The following CNTNAP2 variants were observed in gnomAD, a reference collection of about 807,000 sequenced individuals.
CNTNAP2 encodes contactin-associated protein-like 2.
A neutral mutation model predicts 155.2 loss-of-function variants in CNTNAP2; 98 were observed. That is an observed-to-expected ratio of 0.63 (90% CI 0.54 to 0.75). The LOEUF is 0.75. Among genes scored for constraint, CNTNAP2 ranks in the 30% least tolerant of loss-of-function variants. The probability of loss-of-function intolerance (pLI) is 0.00; values close to 1 mark genes in which losing one functional copy is unlikely to be tolerated. For missense variants in CNTNAP2, 1,727 were observed against 1,688.1 expected (o/e 1.02, Z -0.40); for synonymous variants, 651 against 631.2 (o/e 1.03, Z -0.47).
rs148760809 is a variant in CNTNAP2 at position 147,781,415 on chromosome 7, T to C, written c.2099-122150T>C. On this transcript the variant is annotated intron_variant, in intron 13 of 23. Transcript: ENST00000361727. The stretch of plus-strand genomic sequence containing the variant: ...ACCCTTGAGAAAAAGAGATTGGACT[T>C]GCAGCTTTTACAGTGGCAGTGGACA... Among the ~76,000 whole-genome samples, 499 of 152,304 alleles carry C rather than the reference T, an allele frequency of 3.3e-3. 2 individuals carry two copies. The highest frequency in any genetic ancestry group is 6.4e-3 in the Admixed American group (98 of 15,304).
At chr7:147,379,809 C>T (rs1201040898) in intron 9 of CNTNAP2, among the ~76,000 whole-genome samples, 1 of 151,922 alleles carries the variant, frequency 6.6e-6, no homozygotes, top group Admixed American at 6.6e-5. Flanking sequence ...TACTTGATTT[C>T]TAATTCTGTT....
intron 4 of CNTNAP2, among the ~76,000 whole-genome samples, chr7:147,083,763 T>C (rs1163514823): frequency 7.0e-6 from 1 of 142,026 alleles, no homozygotes; most frequent in Non-Finnish European, 1.5e-5. Context: ...ATTATATATG[T>C]GTATACACAT....
At chr7:147,262,277 A>T (rs184323942) in intron 8 of CNTNAP2, among the ~76,000 whole-genome samples, 108 of 152,364 alleles carry the variant, frequency 7.1e-4, no homozygotes, top group African/African-American at 2.2e-3. Flanking sequence ...AAGCTCAAGC[A>T]TTGAAAGAGA....
At chr7:147,700,931 A>C (rs1796227731) in intron 13 of CNTNAP2, among the ~76,000 whole-genome samples, 1 of 152,158 alleles carries the variant, frequency 6.6e-6, no homozygotes, top group Non-Finnish European at 1.5e-5. Flanking sequence ...AATTCTGGAG[A>C]GTGGAACACC....
At chr7:147,448,003 T>C (rs1327438100) in intron 10 of CNTNAP2, among the ~76,000 whole-genome samples, 1 of 152,148 alleles carries the variant, frequency 6.6e-6, no homozygotes, top group African/African-American at 2.4e-5. Flanking sequence ...AATTGGTTCA[T>C]GATCATGCAT....
Position 146,791,752 on chromosome 7 carries a change from A to G in CNTNAP2, c.208+17371A>G, listed in dbSNP as rs145368327. ...GCAAGGATTCACTAAGGAGTGATAA[A>G]CAGGCAGGATGTTTTGTCAACAGCC... On this transcript the variant is annotated intron_variant, in intron 2 of 23. Coordinates refer to ENST00000361727, the MANE Select transcript of CNTNAP2 (RefSeq NM_014141.6). Among the ~76,000 whole-genome samples, 304 of 152,334 alleles carry G rather than the reference A, an allele frequency of 2.0e-3. 3 individuals carry two copies. The highest frequency in any genetic ancestry group is 6.3e-3 in the African/African-American group (261 of 41,574).
chr7:148,213,030 G>C (rs767807900), intron 18 of CNTNAP2, among the ~76,000 whole-genome samples: 4 of 152,094 alleles, frequency 2.6e-5, no homozygotes, highest in Non-Finnish European at 5.9e-5. Flanking sequence ...CTCCCTTCAT[G>C]ATCTGCCTTG....
intron 14 of CNTNAP2, among the ~76,000 whole-genome samples, chr7:147,919,599 C>T (rs1361566964): frequency 6.6e-6 from 1 of 151,576 alleles, no homozygotes; most frequent in East Asian, 1.9e-4. Flanking sequence ...GCTGGGACTA[C>T]AGGCAGCCGC....
At chr7:147,809,217 C>G (rs1798142472) in intron 13 of CNTNAP2, among the ~76,000 whole-genome samples, 1 of 152,158 alleles carries the variant, frequency 6.6e-6, no homozygotes, top group African/African-American at 2.4e-5. Context: ...TCAGATTAAT[C>G]TGTTTTCTCT....
intron 1 of CNTNAP2, among the ~76,000 whole-genome samples, chr7:146,143,334 A>G (rs2116760717): frequency 6.6e-6 from 1 of 152,292 alleles, no homozygotes. Context: ...GAAATAATGG[A>G]TTGGACTTTG....
At chr7:147,443,394 G>A (rs1281541001) in intron 10 of CNTNAP2, among the ~76,000 whole-genome samples, 1 of 152,196 alleles carries the variant, frequency 6.6e-6, no homozygotes, top group African/African-American at 2.4e-5. Flanking sequence ...ACTGCCTGCA[G>A]GTGGTGGAGG....
intron 1 of CNTNAP2, among the ~76,000 whole-genome samples, chr7:146,650,069 T>C (rs1000707398): frequency 1.1e-4 from 17 of 151,702 alleles, no homozygotes; most frequent in African/African-American, 3.9e-4. Context: ...CTGGTGGGAG[T>C]GTTATTTAGT....
At chr7:147,786,424 C>T (rs940477303) in intron 13 of CNTNAP2, among the ~76,000 whole-genome samples, 12 of 152,054 alleles carry the variant, frequency 7.9e-5, no homozygotes, top group South Asian at 4.2e-4. Flanking sequence ...GATGATGTGC[C>T]GGATGGCATG....
At chr7:148,283,243 A>AC in intron 21 of CNTNAP2, among the ~76,000 whole-genome samples, 1 of 60,852 alleles carries the variant, frequency 1.6e-5, no homozygotes, top group South Asian at 1.1e-3. Flanking sequence ...CTGTCTCAAA[A>AC]AAAAAAAAAA....
At chr7:147,658,434 G>A (rs868132377) in intron 13 of CNTNAP2, among the ~76,000 whole-genome samples, 6 of 152,142 alleles carry the variant, frequency 3.9e-5, no homozygotes, top group South Asian at 2.1e-4. Context: ...CTTAAAACAA[G>A]AAGACTAACT....
intron 11 of CNTNAP2, among the ~76,000 whole-genome samples, chr7:147,521,543 T>A (rs1343226655): frequency 1.3e-5 from 2 of 152,178 alleles, no homozygotes; most frequent in Non-Finnish European, 2.9e-5. Flanking sequence ...CCCCAAGGTG[T>A]TTCCCATGTG....
intron 1 of CNTNAP2, among the ~76,000 whole-genome samples, chr7:146,319,322 G>A (rs908551645): frequency 6.6e-6 from 1 of 152,054 alleles, no homozygotes; most frequent in Non-Finnish European, 1.5e-5. Flanking sequence ...TAAAAAACTT[G>A]TCATAATTAC....
chr7:146,774,810 C>T (rs903249520), intron 2 of CNTNAP2, among the ~76,000 whole-genome samples: 2 of 151,872 alleles, frequency 1.3e-5, no homozygotes, highest in African/African-American at 4.8e-5. Flanking sequence ...ATGCAAATGC[C>T]CCTTGTAATT....
At chr7:147,632,871 AGGAACTTATTG>A (rs1396666491) in intron 12 of CNTNAP2, among the ~76,000 whole-genome samples, 1 of 152,196 alleles carries the variant, frequency 6.6e-6, no homozygotes, top group Non-Finnish European at 1.5e-5. Flanking sequence ...TATGAAGATG[AGGAACTTATTG>A]GGAACTGGAG....
Sources: allele counts gnomAD v4.1 joint callset (sites outside exome capture counted in the v4.1 genomes callset), GRCh38; gene constraint gnomAD v4.1.1; transcripts MANE v1.5; gene names NCBI Gene and HGNC (gene_info 2026-07-23, HGNC 2026-07-21).